Variants in CPLANE1 observed in about 807,000 individuals in gnomAD.
CPLANE1 encodes the protein ciliogenesis and planar polarity effector 1.
A neutral mutation model predicts 362.5 loss-of-function variants in CPLANE1; 263 were observed. The observed-to-expected ratio is 0.73, with a 90% CI of 0.66 to 0.80. CPLANE1 has a LOEUF of 0.80. Among genes scored for constraint, CPLANE1 ranks in the 30% least tolerant of loss-of-function variants. CPLANE1 has a pLI of 0.00. For missense variants in CPLANE1, 3,461 were observed against 3,793.4 expected (o/e 0.91, Z 2.30); for synonymous variants, 1,212 against 1,302.6 (o/e 0.93, Z 1.50).
At chr5:37,079,951 T>C in the CPLANE1 span, among the ~76,000 whole-genome samples, 1 of 152,248 alleles carries the variant, frequency 6.6e-6, no homozygotes. Flanking sequence ...TATATATTTA[T>C]ACTTTATAAA....
At chr5:37,204,748 T>TA (rs34423138) in intron 18 of CPLANE1, among the ~76,000 whole-genome samples, 71,553 of 142,086 alleles carry the variant, frequency 0.5, 20,058 homozygotes, top group African/African-American at 0.8. Flanking sequence ...CTTTAATATT[T>TA]AAAAAAAAAA....
Position 37,157,853 on chromosome 5 carries a change from T to C in CPLANE1, c.7828A>G (p.Ile2610Val), listed in dbSNP as rs1441431246. Residue 2610 changes from isoleucine to valine, a missense_variant, in exon 40 of 53, where the codon ATA becomes GTA. Ile to Val is a conservative substitution (Grantham distance 29). Transcript: ENST00000651892. ...TTAGCTTCAATGTCAATCACATTTA[T>C]ATAAGTATGTCCAACCTGAGCCAAA... is the stretch of plus-strand genomic sequence containing the variant. ...TVTNLVGHTY[I>V]NVIDIEANDL... 2.5e-6 allele frequency: 4 copies of C among 1,585,320 alleles called. No homozygotes were observed. Among genetic ancestry groups the C allele is most frequent in the African/African-American group, 2.8e-5 (2 of 70,176 alleles).
intron 44 of CPLANE1, chr5:37,140,791 C>T (rs111472976): frequency 4.2e-5 from 41 of 985,194 alleles, no homozygotes; most frequent in African/African-American, 1.2e-4. Context: ...CACTAACCCA[C>T]GGCCACAGTA....
intron 42 of CPLANE1, among the ~76,000 whole-genome samples, chr5:37,152,795 G>A (rs1444941046): frequency 6.6e-6 from 1 of 152,098 alleles, no homozygotes; most frequent in Non-Finnish European, 1.5e-5. Flanking sequence ...AGGCTGAGGT[G>A]GGAGGATTGC....
At chr5:37,162,681 T>A in intron 37 of CPLANE1, 115 bp from the exon 38 acceptor site, 1 of 677,798 alleles carries the variant, frequency 1.5e-6, no homozygotes, top group Non-Finnish European at 2.4e-6. Flanking sequence ...AGGATGTTAT[T>A]AAATTTTTTT....
At chr5:37,215,714 T>C (rs1385977200) in intron 15 of CPLANE1, among the ~76,000 whole-genome samples, 3 of 151,434 alleles carry the variant, frequency 2.0e-5, no homozygotes, top group Non-Finnish European at 2.9e-5. Context: ...TTTCATTATT[T>C]ATTTCCCGTT....
At chr5:37,212,050 A>G (rs1580778140) in intron 16 of CPLANE1, 6 of 914,466 alleles carry the variant, frequency 6.6e-6, no homozygotes, top group African/African-American at 3.2e-5. Context: ...CAGAGAGAAG[A>G]AAGAAGGCAG....
Position 37,242,213 on chromosome 5 carries a change from G to A in CPLANE1, c.677+800C>T, listed in dbSNP as rs529043756. Reference sequence around the variant, plus strand: ...ACTAAAAATACAAAAAGTTAGCCAGGCCTGGTGGCGGGCACCTGTAGTCCC... The same window carrying A: ...ACTAAAAATACAAAAAGTTAGCCAGACCTGGTGGCGGGCACCTGTAGTCCC... On this transcript the variant is annotated intron_variant, in intron 6 of 52. Coordinates refer to ENST00000651892, the MANE Select transcript of CPLANE1 (RefSeq NM_001384732.1). Among the ~76,000 whole-genome samples the A allele has an allele frequency of 2.0e-5, 3 of 152,038 alleles. No homozygotes were observed. The South Asian group carries it at 6.2e-4, about 32-fold the overall frequency.
chr5:37,100,414 G>T, the CPLANE1 span, among the ~76,000 whole-genome samples: 2 of 152,052 alleles, frequency 1.3e-5, no homozygotes, highest in Non-Finnish European at 2.9e-5. Context: ...AGATCAGATG[G>T]TTATAGCTAT....
At chr5:37,128,856 CAAAAAAAAACA>C (rs1229130781) in intron 46 of CPLANE1, among the ~76,000 whole-genome samples, 1 of 140,320 alleles carries the variant, frequency 7.1e-6, no homozygotes, top group African/African-American at 2.7e-5. Context: ...CAAAAAAAAC[CAAAAAAAAACA>C]AAAAAAAAAT....
intron 9 of CPLANE1, 91 bp from the exon 10 acceptor site, chr5:37,227,908 G>A: frequency 7.8e-7 from 1 of 1,287,670 alleles, no homozygotes; most frequent in Non-Finnish European, 1.0e-6. Context: ...AAAAGTTACA[G>A]AACAATGAAA....
At chr5:37,141,737 A>G in intron 44 of CPLANE1, 2 of 983,116 alleles carry the variant, frequency 2.0e-6, no homozygotes, top group Non-Finnish European at 2.4e-6. Context: ...ATGTTCTATT[A>G]TTCATAGGAC....
chr5:37,184,414 A>C (rs1048415003), intron 25 of CPLANE1, among the ~76,000 whole-genome samples: 1 of 152,128 alleles, frequency 6.6e-6, no homozygotes, highest in Admixed American at 6.5e-5. Flanking sequence ...AAAAATATTA[A>C]GGAAATTTAA....
chr5:37,168,702 A>G, intron 34 of CPLANE1, 89 bp downstream of exon 34: 1 of 1,086,488 alleles, frequency 9.2e-7, no homozygotes, highest in Non-Finnish European at 1.3e-6. Context: ...TTTTATGTAC[A>G]AGAGCTTTTC....
Position 37,107,239 on chromosome 5 carries a change from A to G in CPLANE1, c.*363T>C. The stretch of plus-strand genomic sequence containing the variant: ...TTTTTTTCCTATTAGATTCATCTGT[A>G]TATGGTTGTTTCTCAAAACTCAGAG... On this transcript the variant is annotated 3_prime_UTR_variant, in exon 53 of 53. Coordinates refer to ENST00000651892, the MANE Select transcript of CPLANE1 (RefSeq NM_001384732.1). 1 of 1,007,998 alleles carries G rather than the reference A, an allele frequency of 9.9e-7. No individual in the cohort carries two copies. The highest frequency in any genetic ancestry group is 1.2e-6 in the Non-Finnish European group (1 of 845,328). The allele number at this position is 1,007,998 out of a possible 1,614,324, so 62.4% of individuals were successfully genotyped here.
chr5:37,098,058 A>G, the CPLANE1 span, among the ~76,000 whole-genome samples: 1 of 152,182 alleles, frequency 6.6e-6, no homozygotes, highest in African/African-American at 2.4e-5. Flanking sequence ...ATCTAAAGGA[A>G]GAGACAGACT....
In CPLANE1 at chr5:37,121,776, A is replaced by G; in HGVS notation, c.9026T>C (p.Leu3009Pro). ...KMKHEKDRLLLSEHYSRRISQ... is the reference protein window; with the variant it reads ...KMKHEKDRLLPSEHYSRRISQ... ...GATTCGACGACTATAGTGTTCAGAG[A>G]GCAGCAATCTGTAGACAAAGAATTA... The change falls in exon 49 of 53, where the codon CTC (leucine) becomes CCC (proline). Residue 3009 changes from leucine (L) to proline (P), a missense_variant. Physicochemically the swap from Leu to Pro is moderately conservative, Grantham distance 98. Transcript: ENST00000651892. The G allele has an allele frequency of 1.9e-6, 3 of 1,613,404 alleles. No homozygotes were observed. The highest frequency in any genetic ancestry group is 2.5e-6 in the Non-Finnish European group (3 of 1,179,402).
At chr5:37,216,587 G>A (rs1231401475) in intron 15 of CPLANE1, among the ~76,000 whole-genome samples, 2 of 152,156 alleles carry the variant, frequency 1.3e-5, no homozygotes, top group Non-Finnish European at 2.9e-5. Flanking sequence ...AAGGGAGATG[G>A]CTAGATAGCA....
At chr5:37,107,871 A>C (rs1241976666) in intron 52 of CPLANE1, 93 bp from the exon 53 acceptor site, 22 of 1,448,606 alleles carry the variant, frequency 1.5e-5, no homozygotes, top group Non-Finnish European at 1.6e-5. Flanking sequence ...TAAGCTTTCC[A>C]AAAATTCTAG....
Sources: allele counts gnomAD v4.1 joint callset (sites outside exome capture counted in the v4.1 genomes callset), GRCh38; gene constraint gnomAD v4.1.1; transcripts MANE v1.5; gene names NCBI Gene and HGNC (gene_info 2026-07-23, HGNC 2026-07-21).